Variants in LRMDA observed in about 807,000 individuals in gnomAD.
The protein encoded by LRMDA is leucine-rich melanocyte differentiation-associated protein.
In LRMDA, 18 loss-of-function variants were observed where a neutral mutation model predicts 29.8. That is an observed-to-expected ratio of 0.60 (90% confidence interval 0.42 to 0.90). LRMDA has a LOEUF of 0.90. Ranked by LOEUF, LRMDA falls within the 40% of genes least tolerant of loss-of-function variation. The pLI is 0.00. For missense variants in LRMDA, 273 were observed against 273.9 expected (o/e 1.00, Z 0.02); for synonymous variants, 125 against 109.4 (o/e 1.14, Z -0.89).
chr10:75,621,087 GT>G (rs1589137539), intron 2 of LRMDA, among the ~76,000 whole-genome samples: 1 of 152,226 alleles, frequency 6.6e-6, no homozygotes, highest in East Asian at 1.9e-4. Context: ...AACATACGAT[GT>G]TTGGTTTTCC....
At chr10:76,299,364 GAGACTATGCC>G (rs1404172791) in intron 5 of LRMDA, among the ~76,000 whole-genome samples, 1 of 152,094 alleles carries the variant, frequency 6.6e-6, no homozygotes, top group East Asian at 1.9e-4. Context: ...CTTTAGATGT[GAGACTATGCC>G]ATTTTACTTT....
At chr10:76,062,718 A>G (rs550002278) in intron 5 of LRMDA, among the ~76,000 whole-genome samples, 14 of 150,710 alleles carry the variant, frequency 9.3e-5, no homozygotes, top group African/African-American at 3.2e-4. Flanking sequence ...TGGACCTGCA[A>G]CAGCTAGGCT....
chr10:75,740,857 T>C (rs1049883281), intron 2 of LRMDA, among the ~76,000 whole-genome samples: 1 of 152,174 alleles, frequency 6.6e-6, no homozygotes, highest in African/African-American at 2.4e-5. Flanking sequence ...TTGAGAGGCA[T>C]AGTAAGAGTA....
intron 2 of LRMDA, among the ~76,000 whole-genome samples, chr10:75,775,332 T>C (rs575623806): frequency 2.0e-5 from 3 of 152,342 alleles, no homozygotes; most frequent in Non-Finnish European, 4.4e-5. Context: ...CACAGCACAC[T>C]ACAGCCTCAA....
chr10:75,871,384 C>T (rs116170023), intron 2 of LRMDA, among the ~76,000 whole-genome samples: 445 of 152,328 alleles, frequency 2.9e-3, no homozygotes, highest in African/African-American at 0.01. Flanking sequence ...TGAGCCAGTG[C>T]CTCCATCAGG....
intron 2 of LRMDA, among the ~76,000 whole-genome samples, chr10:75,507,225 G>C (rs183458818): frequency 4.6e-5 from 7 of 152,058 alleles, no homozygotes; most frequent in African/African-American, 1.7e-4. Flanking sequence ...GGATGGCACT[G>C]CTTGGAGAAA....
At chr10:76,359,967 C>T (rs1021289257) in intron 6 of LRMDA, among the ~76,000 whole-genome samples, 4 of 152,088 alleles carry the variant, frequency 2.6e-5, no homozygotes, top group South Asian at 2.1e-4. Flanking sequence ...GCCCTTGGAT[C>T]GGTCCAGTGG....
intron 2 of LRMDA, among the ~76,000 whole-genome samples, chr10:75,463,770 C>T (rs529903599): frequency 2.6e-5 from 4 of 152,192 alleles, no homozygotes; most frequent in Admixed American, 1.3e-4. Flanking sequence ...CAGGTTCAAG[C>T]GAATCTCCTG....
intron 4 of LRMDA, among the ~76,000 whole-genome samples, chr10:76,052,620 C>G (rs1197839391): frequency 6.6e-6 from 1 of 152,236 alleles, no homozygotes; most frequent in African/African-American, 2.4e-5. Flanking sequence ...GGTTTTAGCT[C>G]TCTCCTTAGA....
intron 2 of LRMDA, among the ~76,000 whole-genome samples, chr10:75,639,601 G>A (rs892615293): frequency 6.6e-6 from 1 of 152,210 alleles, no homozygotes; most frequent in Non-Finnish European, 1.5e-5. Context: ...ATTCAGCCAT[G>A]CGGCTTGGCG....
At chr10:75,431,846 C>T in intron 1 of LRMDA, 92 bp downstream of exon 1, 2 of 1,187,124 alleles carry the variant, frequency 1.7e-6, no homozygotes, top group Non-Finnish European at 2.1e-6. Context: ...CTAGACACCC[C>T]TGTCCCCGCC....
rs1845333384 is a variant in LRMDA, at chr10:75,519,700, T to C, written c.131+81206T>C. Among the ~76,000 whole-genome samples, 2 of 152,252 alleles carry C rather than the reference T, an allele frequency of 1.3e-5. 1 individual carries two copies. The highest frequency in any genetic ancestry group is 4.1e-4 in the South Asian group (2 of 4,834). Reference sequence around the variant, plus strand: ...TTTACATTTAAGGTTAATATTGTTATGTGTGAATTTGATCCTGTCATTATG... The same window carrying C: ...TTTACATTTAAGGTTAATATTGTTACGTGTGAATTTGATCCTGTCATTATG... On this transcript the variant is annotated intron_variant, in intron 2 of 6. Coordinates refer to ENST00000611255, the MANE Select transcript of LRMDA (RefSeq NM_001305581.2).
chr10:76,125,168 C>T (rs1849857980), intron 5 of LRMDA, among the ~76,000 whole-genome samples: 1 of 152,140 alleles, frequency 6.6e-6, no homozygotes, highest in African/African-American at 2.4e-5. Flanking sequence ...TCTGCAAATG[C>T]TTAATTGATT....
At chr10:76,020,487 C>T (rs1430114308) in intron 2 of LRMDA, among the ~76,000 whole-genome samples, 2 of 152,220 alleles carry the variant, frequency 1.3e-5, no homozygotes, top group Non-Finnish European at 2.9e-5. Context: ...CCCAAGCTTC[C>T]ATTTGAACCT....
chr10:75,855,106 T>C lies in LRMDA; in HGVS notation c.132-180902T>C, dbSNP rs1844801950. 9.2e-5 allele frequency among the ~76,000 whole-genome samples: 14 copies of C among 152,322 alleles called. No individual in the cohort carries two copies. The South Asian group carries it at 2.9e-3, about 32-fold the overall frequency. On this transcript the variant is annotated intron_variant, in intron 2 of 6. Coordinates refer to ENST00000611255, the MANE Select transcript of LRMDA (RefSeq NM_001305581.2). ...CCAGTAATGGGATGGCTGGGTCAAA[T>C]GGTATTTCTAGTTCTAGATCCCTGA...
chr10:75,619,132 C>T (rs114519800), intron 2 of LRMDA, among the ~76,000 whole-genome samples: 85 of 152,072 alleles, frequency 5.6e-4, no homozygotes, highest in African/African-American at 1.9e-3. Context: ...AGTAGACTGT[C>T]ATGAAGGTCT....
intron 2 of LRMDA, among the ~76,000 whole-genome samples, chr10:76,001,004 C>T (rs76151108): frequency 0.025 from 3,776 of 152,186 alleles, 62 homozygotes; most frequent in Middle Eastern, 0.044. Context: ...TTCTAGGCCC[C>T]GGGGAGGCAC....
chr10:76,150,151 G>T lies in LRMDA; in HGVS notation c.516+91368G>T, dbSNP rs939192710. Among the ~76,000 whole-genome samples, 4 of 152,178 alleles carry T rather than the reference G, an allele frequency of 2.6e-5. No individual in the cohort carries two copies. In the South Asian group the frequency reaches 6.2e-4, roughly 24 times the overall value. On this transcript the variant is annotated intron_variant, in intron 5 of 6. Transcript: ENST00000611255. ...GCAAACCCTCCTGTGTCTGCAAATG[G>T]CTGCCAAAAGCCCCTCCGCGCTACA...
At chr10:76,141,852 T>C (rs1008232232) in intron 5 of LRMDA, among the ~76,000 whole-genome samples, 1 of 152,138 alleles carries the variant, frequency 6.6e-6, no homozygotes, top group African/African-American at 2.4e-5. Context: ...TCAACATAAC[T>C]GTCCTCCTAG....
Sources: gnomAD v4.1 joint callset for allele counts (sites outside exome capture counted in the v4.1 genomes callset) on GRCh38, gnomAD v4.1.1 for gene constraint, MANE v1.5 for transcripts, NCBI Gene and HGNC (gene_info 2026-07-23, HGNC 2026-07-21) for gene names.